ZDHHC16: variants seen among roughly 807,000 people sequenced by gnomAD.
The protein encoded by ZDHHC16 is palmitoyltransferase ZDHHC16.
A neutral mutation model predicts 54.4 loss-of-function variants in ZDHHC16; 33 were observed. The ratio of observed to expected loss-of-function variants is 0.61; its 90% CI spans 0.46 to 0.81. The LOEUF (loss-of-function observed/expected upper bound fraction) is 0.81. ZDHHC16 is among the 30% of genes least tolerant of loss of function. The pLI is 0.00. For synonymous variants in ZDHHC16, 185 were observed against 182.1 expected, an observed-to-expected ratio of 1.02 and a Z score of -0.13; for missense variants, 420 against 485.9, an observed-to-expected ratio of 0.86 and a Z score of 1.28.
intron 11 of ZDHHC16, 138 bp downstream of exon 11, chr10:97,456,182 G>C: frequency 1.1e-6 from 1 of 917,716 alleles, no homozygotes; most frequent in Non-Finnish European, 1.6e-6. Flanking sequence ...AGAGATCATT[G>C]TCCATTTGAA....
rs757200685 is a variant in ZDHHC16, at chr10:97,454,781, A to G, written c.806A>G (p.Tyr269Cys). The change falls in exon 9 of 12, where the codon TAC becomes TGC. Residue 269 changes from tyrosine (Y) to cysteine (C), a missense_variant. Coordinates refer to ENST00000393760, the MANE Select transcript of ZDHHC16 (RefSeq NM_198046.3). ...RERMTHKSLV[Y>C]LWFLCSSVAL... ...AGGATGACTCACAAGAGTCTTGTCT[A>G]CCTCTGGTTCCTGTGCAGGTATTTG... The G allele has an allele frequency of 6.2e-7, 1 of 1,613,990 alleles. No homozygotes were observed. Among genetic ancestry groups the G allele is most frequent in the Non-Finnish European group, 8.5e-7 (1 of 1,179,988 alleles).
In ZDHHC16 at chr10:97,451,790, T is replaced by C. The variant is rs370542640; in HGVS notation, c.115T>C (p.Trp39Arg). ...TCTACTCCGGGGTCTAGTACAGCGCTGGCGCTACGGCAAGGTCTGCCTGCG... is the reference window on the plus strand; with the variant it reads ...TCTACTCCGGGGTCTAGTACAGCGCCGGCGCTACGGCAAGGTCTGCCTGCG... ...PPLLRGLVQR[W>R]RYGKVCLRSL... is the part of the protein sequence containing the mutation. The change falls in exon 3 of 12, where the codon TGG becomes CGG. Residue 39 changes from tryptophan to arginine, a missense_variant. Coordinates refer to ENST00000393760, the MANE Select transcript of ZDHHC16 (RefSeq NM_198046.3). The C allele has an allele frequency of 6.2e-7, 1 of 1,614,104 alleles. No homozygotes were observed. The highest frequency in any genetic ancestry group is 1.3e-5 in the African/African-American group (1 of 74,958).
rs771769499 is a variant in ZDHHC16 at position 97,453,814 on chromosome 10, G to A, written c.706G>A (p.Asp236Asn). ...YAAIEKMKQL[D>N]KNKLQAVANQ... ...GTCCCCTTAGAAAATGAAACAGCTC[G>A]ACAAGAACAAACTACAGGCGGTTGC... Residue 236 changes from aspartate to asparagine, a missense_variant, in exon 8 of 12, where the codon GAC becomes AAC. Asp to Asn is a conservative substitution (Grantham distance 23). Transcript: ENST00000393760. The A allele has an allele frequency of 8.6e-5, 139 of 1,614,074 alleles. No homozygotes were observed. The highest frequency in any genetic ancestry group is 1.1e-4 in the Non-Finnish European group (130 of 1,180,046).
At chr10:97,447,764 A>T (rs927496508) in intron 1 of ZDHHC16, among the ~76,000 whole-genome samples, 2 of 152,146 alleles carry the variant, frequency 1.3e-5, no homozygotes, top group African/African-American at 4.8e-5. Context: ...TCTACTAAAA[A>T]AATACAAAAT....
In ZDHHC16 at chr10:97,456,038, C is replaced by T. The variant is rs1320256274; in HGVS notation, c.1013C>T (p.Thr338Ile). 1 of 1,614,040 alleles carries T rather than the reference C, an allele frequency of 6.2e-7. No individual in the cohort carries two copies. Among genetic ancestry groups the T allele is most frequent in the South Asian group, 1.1e-5 (1 of 91,078 alleles). ...TGGAAGGTATTCCTGGGTGTGGATA[C>T]AGGAAGGTAATGTAAGACACACAGA... is the stretch of plus-strand genomic sequence containing the variant. ...DNWKVFLGVD[T>I]GRHWLTRVLL... Residue 338 changes from threonine (T) to isoleucine (I), a missense_variant, in exon 11 of 12, where the codon ACA becomes ATA. Coordinates refer to ENST00000393760, the MANE Select transcript of ZDHHC16 (RefSeq NM_198046.3).
chr10:97,449,290 G>C (rs997019942), intron 1 of ZDHHC16, among the ~76,000 whole-genome samples: 1 of 151,448 alleles, frequency 6.6e-6, no homozygotes, highest in Non-Finnish European at 1.5e-5. Context: ...TTACAAACAA[G>C]GAGTGCATTG....
intron 11 of ZDHHC16, 36 bp downstream of exon 11, chr10:97,456,080 G>A: frequency 6.2e-7 from 1 of 1,604,510 alleles, no homozygotes; most frequent in Non-Finnish European, 8.5e-7. Context: ...CTGTCCAACA[G>A]AACACTGTGA....
rs116233774 is a variant in ZDHHC16 at position 97,457,280 on chromosome 10, G to A, written c.*389G>A. 456 of 155,536 alleles carry A rather than the reference G, an allele frequency of 2.9e-3. 4 individuals are homozygous for A. The highest frequency in any genetic ancestry group is 0.01 in the African/African-American group (422 of 41,642). 9.6% of individuals were successfully genotyped at this position (155,536 alleles called of 1,614,324 possible). ...GCTGAGATCTTGGCTTCTCAACAGG[G>A]CAAAGATACCAGGCCTGCTGCTGAG... On this transcript the variant is annotated 3_prime_UTR_variant, in exon 12 of 12. Transcript: ENST00000393760.
intron 8 of ZDHHC16, 66 bp from the exon 9 acceptor site, chr10:97,454,648 G>C: frequency 7.2e-7 from 1 of 1,388,566 alleles, no homozygotes; most frequent in Non-Finnish European, 1.0e-6. Context: ...CTGCCTATAG[G>C]TGCTGGGGGC....
rs189506187 is a variant in ZDHHC16 at position 97,446,944 on chromosome 10, C to G, written c.-186+591C>G. 2.6e-5 allele frequency among the ~76,000 whole-genome samples: 4 copies of G among 152,346 alleles called. No individual in the cohort carries two copies. The East Asian group carries it at 7.7e-4, about 29-fold the overall frequency. On this transcript the variant is annotated intron_variant, in intron 1 of 11. Coordinates refer to ENST00000393760, the MANE Select transcript of ZDHHC16 (RefSeq NM_198046.3). The stretch of plus-strand genomic sequence containing the variant: ...ATGTTAGCCAGGATGGTCTTGATCT[C>G]TTGATCCGCCCGCCTCGGCCTTCCA...
intron 1 of ZDHHC16, among the ~76,000 whole-genome samples, chr10:97,448,560 C>T (rs182722537): frequency 2.6e-5 from 4 of 152,254 alleles, no homozygotes; most frequent in Admixed American, 2.6e-4. Flanking sequence ...AGTTCAAGAC[C>T]AGCCTGGCCA....
rs1490826470 is a variant in ZDHHC16, at chr10:97,452,828, G to C, written c.528-67G>C. The C allele has an allele frequency of 1.9e-6, 3 of 1,605,746 alleles. No homozygotes were observed. In the African/African-American group the frequency reaches 4.0e-5, roughly 21 times the overall value. On this transcript the variant is annotated intron_variant, in intron 5 of 11. Coordinates refer to ENST00000393760, the MANE Select transcript of ZDHHC16 (RefSeq NM_198046.3). ...TCAGCAGGATGCTGGTCCTTGTAGG[G>C]AAGGATTGGCACTGACATCTCAAGA...
At position 97,456,991 on chromosome 10, in the gene ZDHHC16, AGCCAGTGGGCCT is replaced by A; in HGVS notation, c.*104_*115del. ...TTTCTCAGAATCCTTGATCAAAAAG[AGCCAGTGGGCCT>A]GCCTTAGGGTACCATGCAGGACAAT... On this transcript the variant is annotated 3_prime_UTR_variant, in exon 12 of 12. Coordinates refer to ENST00000393760, the MANE Select transcript of ZDHHC16 (RefSeq NM_198046.3). 1.1e-6 allele frequency: 1 copy of A among 942,988 alleles called. No individual in the cohort carries two copies. The highest frequency in any genetic ancestry group is 1.9e-5 in the South Asian group (1 of 53,638). The allele number at this position is 942,988 out of a possible 1,614,324, so 58.4% of individuals were successfully genotyped here.
At position 97,456,022 on chromosome 10, in the gene ZDHHC16, T is replaced by C. The variant is rs1589519438; in HGVS notation, c.997T>C (p.Phe333Leu). ...NYGCLDNWKV[F>L]LGVDTGRHWL... ...CGGCTGCTTGGACAACTGGAAGGTATTCCTGGGTGTGGATACAGGAAGGTA... is the reference window on the plus strand; with the variant it reads ...CGGCTGCTTGGACAACTGGAAGGTACTCCTGGGTGTGGATACAGGAAGGTA... The change falls in exon 11 of 12, where the codon TTC (phenylalanine) becomes CTC (leucine). Residue 333 changes from phenylalanine (F) to leucine (L), a missense_variant. Transcript: ENST00000393760. 6.2e-7 allele frequency: 1 copy of C among 1,614,214 alleles called. No individual in the cohort carries two copies. The highest frequency in any genetic ancestry group is 8.5e-7 in the Non-Finnish European group (1 of 1,180,030).
In ZDHHC16 at chr10:97,451,793, C is replaced by A. The variant is rs540078147; in HGVS notation, c.118C>A (p.Arg40Ser). Residue 40 changes from arginine (R) to serine (S), a missense_variant, in exon 3 of 12, where the codon CGC becomes AGC. Physicochemically the swap from Arg to Ser is moderately radical, Grantham distance 110. Transcript: ENST00000393760. Reference protein sequence around the residue: ...PLLRGLVQRWRYGKVCLRSLL... With the variant: ...PLLRGLVQRWSYGKVCLRSLL... ...ACTCCGGGGTCTAGTACAGCGCTGG[C>A]GCTACGGCAAGGTCTGCCTGCGCTC... The A allele has an allele frequency of 6.2e-7, 1 of 1,614,178 alleles. No homozygotes were observed. Among genetic ancestry groups the A allele is most frequent in the South Asian group, 1.1e-5 (1 of 91,086 alleles).
chr10:97,454,237 C>G (rs113411465), intron 8 of ZDHHC16, among the ~76,000 whole-genome samples: 1 of 152,174 alleles, frequency 6.6e-6, no homozygotes, highest in Non-Finnish European at 1.5e-5. Context: ...CCCTGCCCCC[C>G]CAGTACCTTT....
intron 1 of ZDHHC16, among the ~76,000 whole-genome samples, chr10:97,449,360 T>C (rs1198141609): frequency 1.3e-5 from 2 of 152,090 alleles, no homozygotes; most frequent in Middle Eastern, 3.2e-3. Flanking sequence ...CCATGACCTA[T>C]AGAAAGGGAA....
intron 1 of ZDHHC16, among the ~76,000 whole-genome samples, chr10:97,449,226 T>TG (rs1846372645): frequency 6.7e-6 from 1 of 149,808 alleles, no homozygotes; most frequent in African/African-American, 2.5e-5. Flanking sequence ...GAATAGAAGT[T>TG]TTTTTTTTTT....
intron 3 of ZDHHC16, 69 bp downstream of exon 3, chr10:97,451,987 C>T (rs1846676690): frequency 6.3e-7 from 1 of 1,592,544 alleles, no homozygotes; most frequent in South Asian, 1.1e-5. Context: ...CTCACAGACC[C>T]AACCCAGGTT....
Sources: allele counts gnomAD v4.1 joint callset (sites outside exome capture counted in the v4.1 genomes callset), GRCh38; gene constraint gnomAD v4.1.1; transcripts MANE v1.5; gene names NCBI Gene and HGNC (gene_info 2026-07-23, HGNC 2026-07-21).